The following VPS13B variants were observed in gnomAD, a reference collection of about 807,000 sequenced individuals.
The protein encoded by VPS13B is intermembrane lipid transfer protein VPS13B.
Under a neutral mutation model 426.4 loss-of-function variants are expected in VPS13B, and 285 were observed. That is an observed-to-expected ratio of 0.67 (90% CI 0.61 to 0.74). The LOEUF (loss-of-function observed/expected upper bound fraction) is 0.74, where lower values mean the gene tolerates loss of function less well. Among genes scored for constraint, VPS13B ranks in the 30% least tolerant of loss-of-function variants. The probability of loss-of-function intolerance (pLI) is 0.00; values close to 1 mark genes in which losing one functional copy is unlikely to be tolerated. For missense variants in VPS13B, 4,537 were observed against 4,782.6 expected (o/e 0.95, Z 1.51); for synonymous variants, 1,676 against 1,676.4 (o/e 1.00, Z 0.01).
intron 19 of VPS13B, among the ~76,000 whole-genome samples, chr8:99,382,761 G>C (rs1268979089): frequency 1.3e-5 from 2 of 152,106 alleles, no homozygotes; most frequent in Non-Finnish European, 2.9e-5. Context: ...CATGTTGTCT[G>C]CAAAGATAGT....
intron 36 of VPS13B, 130 bp downstream of exon 36, chr8:99,700,062 C>T (rs1832203345): frequency 9.1e-7 from 1 of 1,101,580 alleles, no homozygotes; most frequent in Non-Finnish European, 1.3e-6. Flanking sequence ...GAGATGAGGA[C>T]ATTTCTGGTT....
chr8:99,667,175 A>C (rs1346240646), intron 35 of VPS13B, among the ~76,000 whole-genome samples: 1 of 152,174 alleles, frequency 6.6e-6, no homozygotes, highest in Non-Finnish European at 1.5e-5. Flanking sequence ...TAGTTCTAGA[A>C]GGTAGGGCTT....
intron 19 of VPS13B, among the ~76,000 whole-genome samples, chr8:99,359,518 C>A (rs770842143): frequency 6.6e-6 from 1 of 151,894 alleles, no homozygotes; most frequent in Admixed American, 6.6e-5. Flanking sequence ...GTATTTTAGA[C>A]AACAAAGTGA....
At chr8:99,670,372 CATTT>C (rs1372261565) in intron 35 of VPS13B, among the ~76,000 whole-genome samples, 1 of 151,918 alleles carries the variant, frequency 6.6e-6, no homozygotes, top group Non-Finnish European at 1.5e-5. Flanking sequence ...AAATTACAAA[CATTT>C]AAGGTGTACA....
In VPS13B at chr8:99,823,840, G is replaced by C. The variant is rs376291996; in HGVS notation, c.9192G>C (p.Gln3064His). 10 of 1,613,346 alleles carry C rather than the reference G, an allele frequency of 6.2e-6. No homozygotes were observed. Among genetic ancestry groups the C allele is most frequent in the Non-Finnish European group, 8.5e-6 (10 of 1,179,804 alleles). The change falls in exon 51 of 62, where the codon CAG (glutamine) becomes CAC (histidine). Residue 3064 changes from glutamine (Q) to histidine (H), a missense_variant. This residue lies in a region of VPS13B where 4,311 missense variants were observed against 4,474.3 expected (regional missense o/e 0.96). Transcript: ENST00000357162. ...GAFPGHQKLC[Q>H]FCISSMVQQG... ...TCTCAATTATCTTGTAGTTATGTCA[G>C]TTCTGCATTTCCTCCATGGTACAGC...
chr8:99,601,964 A>G (rs533985805), intron 33 of VPS13B, among the ~76,000 whole-genome samples: 13 of 152,180 alleles, frequency 8.5e-5, no homozygotes, highest in East Asian at 5.8e-4. Context: ...CACTCTGATG[A>G]TAGTTTCTTT....
intron 17 of VPS13B, 37 bp from the exon 18 acceptor site, chr8:99,274,161 T>G: frequency 6.2e-7 from 1 of 1,613,672 alleles, no homozygotes; most frequent in Non-Finnish European, 8.5e-7. Flanking sequence ...TTATTTAAAT[T>G]CAATCGGCTA....
chr8:99,712,919 G>A (rs1563877155), intron 36 of VPS13B, among the ~76,000 whole-genome samples: 1 of 152,080 alleles, frequency 6.6e-6, no homozygotes, highest in Non-Finnish European at 1.5e-5. Flanking sequence ...GGGGGGTTAA[G>A]AAGAGCCTTC....
rs537332401 is a variant in VPS13B at position 99,700,022 on chromosome 8, T to C, written c.6454+90T>C. On this transcript the variant is annotated intron_variant, in intron 36 of 61. Coordinates refer to ENST00000357162, the MANE Select transcript of VPS13B (RefSeq NM_152564.5). ...TGCATCATTTTGAAGATTTATATTA[T>C]GTAGAAGTTAAAAGTTGTAAAGGCC... The C allele has an allele frequency of 8.0e-4, 1,195 of 1,487,486 alleles. 1 individual carries two copies. The highest frequency in any genetic ancestry group is 1.0e-3 in the South Asian group (81 of 77,260). 92.1% of individuals were successfully genotyped at this position (1,487,486 alleles called of 1,614,324 possible). A position where few individuals can be genotyped will look rare whatever the true frequency, so the allele number is the denominator to read the frequency against.
intron 57 of VPS13B, among the ~76,000 whole-genome samples, chr8:99,861,484 T>C (rs1046119853): frequency 2.0e-5 from 3 of 152,220 alleles, no homozygotes; most frequent in African/African-American, 7.2e-5. Flanking sequence ...TAACTTTTCA[T>C]AGAGACAGGG....
intron 33 of VPS13B, among the ~76,000 whole-genome samples, chr8:99,610,356 A>G (rs1460523412): frequency 6.6e-6 from 1 of 152,244 alleles, no homozygotes; most frequent in African/African-American, 2.4e-5. Flanking sequence ...CCCATCAATG[A>G]TAGACCTGAT....
Position 99,778,923 on chromosome 8 carries a change from T to C in VPS13B, c.7671T>C (p.Asp2557=), listed in dbSNP as rs1414554416. 1.2e-6 allele frequency: 2 copies of C among 1,613,980 alleles called. No individual in the cohort carries two copies. Among genetic ancestry groups the C allele is most frequent in the East Asian group, 2.2e-5 (1 of 44,858 alleles). The part of the protein sequence containing the change: ...SIFGQMAVSS[D]VVEKLLDCTV... ...TCGGGCAGATGGCAGTTTCCAGCGATGTAGTGGAAAAGCTGCTTGACTGCA... is the reference window on the plus strand; with the variant it reads ...TCGGGCAGATGGCAGTTTCCAGCGACGTAGTGGAAAAGCTGCTTGACTGCA... Residue 2557 remains aspartate, a synonymous_variant, in exon 42 of 62, where the codon GAT becomes GAC. Transcript: ENST00000357162.
intron 43 of VPS13B, among the ~76,000 whole-genome samples, chr8:99,794,783 G>A (rs938526757): frequency 2.0e-5 from 3 of 152,034 alleles, no homozygotes; most frequent in African/African-American, 7.2e-5. Context: ...TACTATATTA[G>A]ACAAAATTAA....
At chr8:99,355,412 G>A (rs757508774) in intron 19 of VPS13B, among the ~76,000 whole-genome samples, 81 of 152,254 alleles carry the variant, frequency 5.3e-4, no homozygotes, top group Non-Finnish European at 9.1e-4. Flanking sequence ...CCAACATGGT[G>A]AAACCCCGTC....
intron 19 of VPS13B, 80 bp downstream of exon 19, chr8:99,275,334 TA>T (rs1486698055): frequency 3.7e-5 from 50 of 1,339,608 alleles, no homozygotes; most frequent in Admixed American, 2.6e-4. Flanking sequence ...AATTGGTATA[TA>T]TTTTTTTTTT....
At position 99,329,908 on chromosome 8, in the gene VPS13B, A is replaced by G. The variant is rs374587518; in HGVS notation, c.2825-54300A>G. Among the ~76,000 whole-genome samples the G allele has an allele frequency of 2.3e-4, 35 of 152,060 alleles. No homozygotes were observed. In the South Asian group the frequency reaches 7.3e-3, roughly 32 times the overall value. ...TGGGCCACATAATTCTGTCTCATACATTGTTGGATATTCTGTAGTATCCCT... is the reference window on the plus strand; with the variant it reads ...TGGGCCACATAATTCTGTCTCATACGTTGTTGGATATTCTGTAGTATCCCT... On this transcript the variant is annotated intron_variant, in intron 19 of 61. Transcript: ENST00000357162.
rs891315794 is a variant in VPS13B, at chr8:99,550,398, A to AT, written c.4746-6038dup. Among the ~76,000 whole-genome samples, 800 of 144,530 alleles carry AT rather than the reference A, an allele frequency of 5.5e-3. 2 individuals carry two copies. The highest frequency in any genetic ancestry group is 0.011 in the African/African-American group (440 of 39,732). The allele number at this position is 144,530 out of a possible 152,430, so 94.8% of individuals were successfully genotyped here. A position where few individuals can be genotyped will look rare whatever the true frequency, so the allele number is the denominator to read the frequency against. ...CTAGGGACAGTGACGACTAGGAGAG[A>AT]TTTTTTTTTTTTTTCACAGTAAGCC... On this transcript the variant is annotated intron_variant, in intron 30 of 61. Coordinates refer to ENST00000357162, the MANE Select transcript of VPS13B (RefSeq NM_152564.5).
chr8:99,333,191 T>A (rs1337076086), intron 19 of VPS13B, among the ~76,000 whole-genome samples: 3 of 151,734 alleles, frequency 2.0e-5, no homozygotes, highest in African/African-American at 7.2e-5. Flanking sequence ...AATTTTAAAA[T>A]TGTTTTTATC....
chr8:99,380,833 T>C (rs1359138005), intron 19 of VPS13B, among the ~76,000 whole-genome samples: 1 of 151,718 alleles, frequency 6.6e-6, no homozygotes, highest in African/African-American at 2.4e-5. Flanking sequence ...TTCTGACATA[T>C]ACTTTTTGTA....
Sources: allele counts gnomAD v4.1 joint callset (sites outside exome capture counted in the v4.1 genomes callset), GRCh38; gene constraint gnomAD v4.1.1; regional missense constraint gnomAD v4.1.1; transcripts MANE v1.5; gene names NCBI Gene and HGNC (gene_info 2026-07-23, HGNC 2026-07-21).